The following ATP1A4 variants were observed in gnomAD, a reference collection of about 807,000 sequenced individuals.
ATP1A4 encodes ATPase Na+/K+ transporting subunit alpha 4.
In ATP1A4, 90 loss-of-function variants were observed where a neutral mutation model predicts 114.3. That is an observed-to-expected ratio of 0.79 (90% CI 0.66 to 0.94). ATP1A4 has a LOEUF of 0.94. ATP1A4 is among the 40% of genes least tolerant of loss of function. ATP1A4 has a pLI of 0.00. For missense variants in ATP1A4, 1,222 were observed against 1,313.6 expected (o/e 0.93, Z 1.08); for synonymous variants, 511 against 494.1 (o/e 1.03, Z -0.45).
chr1:160,158,055 A>C (rs1190359811), intron 4 of ATP1A4, among the ~76,000 whole-genome samples: 2 of 152,100 alleles, frequency 1.3e-5, no homozygotes, highest in African/African-American at 4.8e-5. Flanking sequence ...TTTGGGACAA[A>C]GTGTTTGGGC....
At position 160,176,525 on chromosome 1, in the gene ATP1A4, T is replaced by A; in HGVS notation, c.2513T>A (p.Met838Lys). 2 of 1,614,172 alleles carry A rather than the reference T, an allele frequency of 1.2e-6. No individual in the cohort carries two copies. The highest frequency in any genetic ancestry group is 1.7e-6 in the Non-Finnish European group (2 of 1,180,030). The change falls in exon 17 of 22, where the codon ATG becomes AAG. Residue 838 changes from methionine to lysine, a missense_variant. By Grantham distance (95) the Met-to-Lys change is moderately conservative (BLOSUM62 -1). Transcript: ENST00000368081. ...TATGAGTCAGCTGAAAGCGACATCA[T>A]GAAGAGGCTTCCAAGGAACCCAAAG... Reference protein sequence around the residue: ...LAYESAESDIMKRLPRNPKTD... With the variant: ...LAYESAESDIKKRLPRNPKTD...
chr1:160,182,259 T>G (rs1411824919), intron 20 of ATP1A4, among the ~76,000 whole-genome samples: 1 of 152,166 alleles, frequency 6.6e-6, no homozygotes, highest in Non-Finnish European at 1.5e-5. Flanking sequence ...ACACACAAAT[T>G]TAGCAGACTT....
Position 160,176,592 on chromosome 1 carries a change from TG to T in ATP1A4, c.2582del (p.Gly861AspfsTer5), listed in dbSNP as rs778421182. ...ACCACCGTCTCATTGGCATGGCCTA[TG>T]GACAGATTGGTGCGCCCAGAGGAAT... ...VNHRLIGMAYGQIGMIQALAG... is the reference protein window; with the variant it reads ...VNHRLIGMAYXQIGMIQALAG... On this transcript the variant is annotated frameshift_variant, in exon 17 of 22. Transcript: ENST00000368081. LOFTEE classifies it high-confidence loss of function. 3.1e-6 allele frequency: 5 copies of T among 1,614,084 alleles called. No individual in the cohort carries two copies. The East Asian group carries it at 1.1e-4, about 36-fold the overall frequency.
intron 2 of ATP1A4, among the ~76,000 whole-genome samples, chr1:160,153,973 T>C (rs1391166474): frequency 1.3e-5 from 2 of 152,222 alleles, no homozygotes; most frequent in African/African-American, 4.8e-5. Flanking sequence ...GGTTCTACTA[T>C]CATTTTCATT....
At chr1:160,161,514 A>G (rs898344856) in intron 6 of ATP1A4, among the ~76,000 whole-genome samples, 10 of 152,170 alleles carry the variant, frequency 6.6e-5, no homozygotes, top group Non-Finnish European at 1.2e-4. Flanking sequence ...GAGATTAATT[A>G]TTAAATCCCG....
intron 4 of ATP1A4, among the ~76,000 whole-genome samples, chr1:160,157,006 A>G (rs77456663): frequency 0.082 from 12,444 of 152,164 alleles, 587 homozygotes; most frequent in South Asian, 0.18. Context: ...CAGGAGGCTG[A>G]GGTAGGAGGA....
rs1364511521 is a variant in ATP1A4 at position 160,177,640 on chromosome 1, G to A, written c.2712G>A (p.Leu904=). 5 of 1,614,202 alleles carry A rather than the reference G, an allele frequency of 3.1e-6. 1 individual carries two copies. In the South Asian group the frequency reaches 4.4e-5, roughly 14 times the overall value. Residue 904 remains leucine (L), a synonymous_variant, in exon 18 of 22, where the codon CTG becomes CTA. Coordinates refer to ENST00000368081, the MANE Select transcript of ATP1A4 (RefSeq NM_144699.4). ...LHWEDKYLND[L]EDSYGQQWTY... is the part of the protein sequence containing the mutation. ...GGGAAGATAAATACTTGAATGACCT[G>A]GAGGACAGCTACGGACAGCAGTGGG...
At chr1:160,176,345 A>T in intron 16 of ATP1A4, 99 bp downstream of exon 16, 1 of 1,584,650 alleles carries the variant, frequency 6.3e-7, no homozygotes, top group Admixed American at 1.7e-5. Flanking sequence ...ATGACAACCC[A>T]CTTATGATCC....
chr1:160,186,549 C>G, intron 21 of ATP1A4, 122 bp from the exon 22 acceptor site: 1 of 1,213,406 alleles, frequency 8.2e-7, no homozygotes, highest in Non-Finnish European at 1.2e-6. Context: ...CCATCTGACC[C>G]TCAGTGCCCT....
At chr1:160,158,648 G>A (rs952120183) in intron 4 of ATP1A4, among the ~76,000 whole-genome samples, 6 of 152,128 alleles carry the variant, frequency 3.9e-5, no homozygotes, top group Non-Finnish European at 7.4e-5. Flanking sequence ...CCAGTGTGCT[G>A]GGATTACAGG....
chr1:160,171,786 T>A, intron 12 of ATP1A4, 29 bp downstream of exon 12: 1 of 1,603,890 alleles, frequency 6.2e-7, no homozygotes, highest in Non-Finnish European at 8.5e-7. Context: ...CAGGAGCCCC[T>A]CACCTGTCAC....
Position 160,167,016 on chromosome 1 carries a change from T to A in ATP1A4, c.1295T>A (p.Ile432Asn), listed in dbSNP as rs1346803275. ...GATACCTGGTTTATGCTGGCCCGAA[T>A]CGCTGGCCTCTGCAACCGGGCTGAC... ...SSDTWFMLAR[I>N]AGLCNRADFK... The change falls in exon 9 of 22, where the codon ATC becomes AAC. Residue 432 changes from isoleucine to asparagine, a missense_variant. Ile to Asn is a moderately radical substitution (Grantham distance 149). Coordinates refer to ENST00000368081, the MANE Select transcript of ATP1A4 (RefSeq NM_144699.4). 5 of 1,614,200 alleles carry A rather than the reference T, an allele frequency of 3.1e-6. No homozygotes were observed. The South Asian group carries it at 3.3e-5, about 11-fold the overall frequency.
intron 18 of ATP1A4, among the ~76,000 whole-genome samples, chr1:160,178,451 C>A: frequency 6.6e-6 from 1 of 151,854 alleles, no homozygotes; most frequent in East Asian, 1.9e-4. Context: ...CTGAGGCAGG[C>A]AGATTACAAG....
chr1:160,176,298 T>C (rs1424157894), intron 16 of ATP1A4, 52 bp downstream of exon 16: 1 of 1,608,540 alleles, frequency 6.2e-7, no homozygotes, highest in Admixed American at 1.7e-5. Context: ...CCTCCTAAGC[T>C]CCCTGCTTTC....
At chr1:160,180,784 G>C (rs1213827982) in intron 18 of ATP1A4, among the ~76,000 whole-genome samples, 1 of 124,368 alleles carries the variant, frequency 8.0e-6, no homozygotes, top group Non-Finnish European at 1.6e-5. Context: ...GCATGATCTC[G>C]GCTCACTACA....
At chr1:160,175,443 G>A (rs1211263669) in intron 15 of ATP1A4, among the ~76,000 whole-genome samples, 1 of 152,006 alleles carries the variant, frequency 6.6e-6, no homozygotes, top group East Asian at 1.9e-4. Context: ...GACTATGTGG[G>A]AGGCACTATG....
At position 160,151,919 on chromosome 1, in the gene ATP1A4, T is replaced by C; in HGVS notation, c.-122T>C. Reference sequence around the variant, plus strand: ...TGCCTCTTTCTTTCTGCTCCCTCATTCTCTCCCCACCACTCTCTTCTCGTG... The same window carrying C: ...TGCCTCTTTCTTTCTGCTCCCTCATCCTCTCCCCACCACTCTCTTCTCGTG... On this transcript the variant is annotated 5_prime_UTR_variant, in exon 1 of 22. Coordinates refer to ENST00000368081, the MANE Select transcript of ATP1A4 (RefSeq NM_144699.4). 1 of 1,150,270 alleles carries C rather than the reference T, an allele frequency of 8.7e-7. No homozygotes were observed. Among genetic ancestry groups the C allele is most frequent in the Admixed American group, 2.9e-5 (1 of 34,952 alleles). The allele number at this position is 1,150,270 out of a possible 1,614,324, so 71.3% of individuals were successfully genotyped here.
chr1:160,182,984 C>T (rs1277828247), intron 20 of ATP1A4: 1 of 152,230 alleles, frequency 6.6e-6, no homozygotes, highest in Non-Finnish European at 1.5e-5. Flanking sequence ...TCTTCCAACA[C>T]ATTTCTATGC....
chr1:160,158,179 T>C (rs1210381361), intron 4 of ATP1A4, among the ~76,000 whole-genome samples: 2 of 152,218 alleles, frequency 1.3e-5, no homozygotes, highest in Admixed American at 6.5e-5. Context: ...ATTCTGTGGC[T>C]GTGCTGTTGT....
Sources: gnomAD v4.1 joint callset for allele counts (sites outside exome capture counted in the v4.1 genomes callset) on GRCh38, gnomAD v4.1.1 for gene constraint, MANE v1.5 for transcripts, NCBI Gene and HGNC (gene_info 2026-07-23, HGNC 2026-07-21) for gene names.